Variants in PTPRG observed in about 807,000 individuals in gnomAD.
PTPRG encodes receptor-type tyrosine-protein phosphatase gamma.
A neutral mutation model predicts 165.3 loss-of-function variants in PTPRG; 102 were observed. The observed-to-expected ratio is 0.62, with a 90% confidence interval of 0.53 to 0.73. PTPRG has a LOEUF of 0.73. Among genes scored for constraint, PTPRG ranks in the 30% least tolerant of loss-of-function variants. The probability of loss-of-function intolerance (pLI) is 0.00; values close to 1 mark genes in which losing one functional copy is unlikely to be tolerated. For missense variants in PTPRG, 1,866 were observed against 1,861.4 expected, an observed-to-expected ratio of 1.00 and a Z score of -0.05; for synonymous variants, 675 against 669.5, an observed-to-expected ratio of 1.01 and a Z score of -0.13.
At chr3:61,917,713 T>A (rs927360108) in intron 2 of PTPRG, among the ~76,000 whole-genome samples, 2 of 152,202 alleles carry the variant, frequency 1.3e-5, no homozygotes, top group African/African-American at 4.8e-5. Context: ...GCGGATCACC[T>A]GAGGTCAGGA....
chr3:61,685,478 A>G lies in PTPRG; in HGVS notation c.86-63400A>G, dbSNP rs147312869. Among the ~76,000 whole-genome samples the G allele has an allele frequency of 2.2e-4, 34 of 152,370 alleles. 1 individual carries two copies. In the East Asian group the frequency reaches 4.8e-3, roughly 22 times the overall value. ...TGTAGCAGAAGTAAAGGGAAGAAGC[A>G]GGATTGGACAGGGAGAATCTCAGAA... is the stretch of plus-strand genomic sequence containing the variant. On this transcript the variant is annotated intron_variant, in intron 1 of 29. Coordinates refer to ENST00000474889, the MANE Select transcript of PTPRG (RefSeq NM_002841.4).
At chr3:62,189,810 C>T in intron 8 of PTPRG, among the ~76,000 whole-genome samples, 1 of 152,248 alleles carries the variant, frequency 6.6e-6, no homozygotes, top group Non-Finnish European at 1.5e-5. Flanking sequence ...CAGGGGTGTC[C>T]AAGGACTCGT....
chr3:62,018,911 T>C (rs11718787), intron 4 of PTPRG, among the ~76,000 whole-genome samples: 42,778 of 151,986 alleles, frequency 0.28, 6,152 homozygotes, highest in East Asian at 0.36. Flanking sequence ...CTAGAGGAAA[T>C]GATTGGAATG....
At chr3:62,191,048 C>G (rs574595692) in intron 8 of PTPRG, among the ~76,000 whole-genome samples, 2 of 152,250 alleles carry the variant, frequency 1.3e-5, no homozygotes, top group Admixed American at 1.3e-4. Flanking sequence ...AGCAGAAAAA[C>G]AGTTCTGTGT....
At chr3:61,662,866 G>A (rs1372923843) in intron 1 of PTPRG, among the ~76,000 whole-genome samples, 3 of 152,186 alleles carry the variant, frequency 2.0e-5, no homozygotes, top group Admixed American at 6.5e-5. Context: ...TATGTCTGTC[G>A]GTCTGCGGAA....
intron 2 of PTPRG, among the ~76,000 whole-genome samples, chr3:61,768,962 A>G (rs2034121988): frequency 1.3e-5 from 2 of 152,162 alleles, no homozygotes; most frequent in Non-Finnish European, 2.9e-5. Context: ...CCTCCTATGA[A>G]GTAGTAAAAG....
intron 16 of PTPRG, chr3:62,262,589 G>C: frequency 2.4e-6 from 1 of 416,454 alleles, no homozygotes; most frequent in Non-Finnish European, 4.2e-6. Flanking sequence ...GTAGATGATT[G>C]ATGAAATAGT....
rs374316167 is a variant in PTPRG at position 62,255,091 on chromosome 3, A to C, written c.2468-33A>C. 1.3e-6 allele frequency: 2 copies of C among 1,560,992 alleles called. No individual in the cohort carries two copies. Among genetic ancestry groups the C allele is most frequent in the South Asian group, 1.1e-5 (1 of 87,652 alleles). ...GTAATTTGTTTTATGGAAGTATTCT[A>C]TGTAACTTTGAATATTATTTTATTC... On this transcript the variant is annotated intron_variant, in intron 15 of 29. Transcript: ENST00000474889. This position sits in a 1 kb window ranked among gnomAD's most constrained non-coding sequence, Gnocchi z 4.0.
intron 2 of PTPRG, among the ~76,000 whole-genome samples, chr3:61,871,570 T>G (rs902523362): frequency 6.6e-6 from 1 of 152,152 alleles, no homozygotes; most frequent in African/African-American, 2.4e-5. Context: ...TAGGAAAAAG[T>G]TCATCCTCTG....
In PTPRG at chr3:61,602,884, A is replaced by G. The variant is rs148921262; in HGVS notation, c.85+40512A>G. ...ACTTATGTAAACTTACAATTAAATT[A>G]CATTTAAGAAGTGACAAATATCTCA... On this transcript the variant is annotated intron_variant, in intron 1 of 29. Transcript: ENST00000474889. Among the ~76,000 whole-genome samples, 693 of 152,348 alleles carry G rather than the reference A, an allele frequency of 4.5e-3. 8 individuals carry two copies. Among genetic ancestry groups the G allele is most frequent in the African/African-American group, 0.015 (641 of 41,584 alleles).
In PTPRG at chr3:61,908,121, TAAA is replaced by T. The variant is rs1183592777; in HGVS notation, c.191-81478_191-81476del. Among the ~76,000 whole-genome samples, 207 of 67,174 alleles carry T rather than the reference TAAA, an allele frequency of 3.1e-3. 3 individuals carry two copies. The highest frequency in any genetic ancestry group is 9.8e-3 in the African/African-American group (176 of 17,946). The allele number at this position is 67,174 out of a possible 152,430, so 44.1% of individuals were successfully genotyped here. A position where few individuals can be genotyped will look rare whatever the true frequency, so the allele number is the denominator to read the frequency against. ...GCGACAGAACAAGACCACCTCTCTT[TAAA>T]AAAAAAAAAAAAAAAAAAAAAAAAA... On this transcript the variant is annotated intron_variant, in intron 2 of 29. Coordinates refer to ENST00000474889, the MANE Select transcript of PTPRG (RefSeq NM_002841.4).
intron 5 of PTPRG, among the ~76,000 whole-genome samples, chr3:62,084,495 A>C (rs1284214530): frequency 6.6e-6 from 1 of 150,710 alleles, no homozygotes; most frequent in Non-Finnish European, 1.5e-5. Flanking sequence ...AAACTTCAGA[A>C]CTCAAATGCT....
At chr3:61,945,298 G>A (rs898055381) in intron 2 of PTPRG, among the ~76,000 whole-genome samples, 1 of 152,070 alleles carries the variant, frequency 6.6e-6, no homozygotes, top group Non-Finnish European at 1.5e-5. Flanking sequence ...TATGGCTCAC[G>A]CCTGTAATCT....
chr3:61,837,717 A>G (rs1466172281), intron 2 of PTPRG, among the ~76,000 whole-genome samples: 2 of 152,208 alleles, frequency 1.3e-5, no homozygotes, highest in African/African-American at 2.4e-5. Context: ...GGGATTATTG[A>G]AAATAAGTGA....
At chr3:61,974,375 G>A (rs1264496595) in intron 2 of PTPRG, among the ~76,000 whole-genome samples, 1 of 151,876 alleles carries the variant, frequency 6.6e-6, no homozygotes, top group East Asian at 1.9e-4. Flanking sequence ...GCAACATGGT[G>A]AAACCCCATC....
At chr3:62,225,657 C>CT (rs770451766) in intron 13 of PTPRG, among the ~76,000 whole-genome samples, 3,166 of 137,510 alleles carry the variant, frequency 0.023, 58 homozygotes, top group Middle Eastern at 0.067. Context: ...AGCAAAAAAC[C>CT]TTTTTTTTTT....
At chr3:61,869,757 G>A (rs981548680) in intron 2 of PTPRG, among the ~76,000 whole-genome samples, 2 of 150,916 alleles carry the variant, frequency 1.3e-5, no homozygotes, top group Non-Finnish European at 3.0e-5. Context: ...TTTTTGTTTT[G>A]TTTTGTTTTG....
At chr3:61,888,077 C>T (rs1402808136) in intron 2 of PTPRG, among the ~76,000 whole-genome samples, 2 of 152,136 alleles carry the variant, frequency 1.3e-5, no homozygotes, top group Non-Finnish European at 1.5e-5. Flanking sequence ...TTCCTCTATA[C>T]TGTGAAGAGG....
At chr3:61,778,032 G>A (rs1294907006) in intron 2 of PTPRG, among the ~76,000 whole-genome samples, 1 of 152,112 alleles carries the variant, frequency 6.6e-6, no homozygotes, top group South Asian at 2.1e-4. Flanking sequence ...AGGATACTTG[G>A]AGGCCTGCCC....
Sources: gnomAD v4.1 joint callset for allele counts (sites outside exome capture counted in the v4.1 genomes callset) on GRCh38, gnomAD v4.1.1 for gene constraint, Gnocchi (gnomAD v3.1) non-coding constraint, MANE v1.5 for transcripts, NCBI Gene and HGNC (gene_info 2026-07-23, HGNC 2026-07-21) for gene names.